FAM131A: variants seen among roughly 807,000 people sequenced by gnomAD.
FAM131A encodes the protein family with sequence similarity 131 member A.
In FAM131A, 24 loss-of-function variants were observed where a neutral mutation model predicts 39.2. The observed-to-expected ratio is 0.61, with a 90% CI of 0.44 to 0.86. FAM131A has a LOEUF of 0.86. Among genes scored for constraint, FAM131A ranks in the 40% least tolerant of loss-of-function variants. FAM131A has a pLI of 0.00. For missense variants in FAM131A, 373 were observed against 481.2 expected (o/e 0.78, Z 2.10); for synonymous variants, 202 against 206.8 (o/e 0.98, Z 0.20).
chr3:184,338,301 G>A (rs1418376655), intron 1 of FAM131A, 86 bp from the exon 2 acceptor site: 7 of 1,353,534 alleles, frequency 5.2e-6, no homozygotes, highest in Admixed American at 6.8e-5. Context: ...GGGAGGGGCC[G>A]AGAAATGATA....
chr3:184,345,015 A>G lies in FAM131A; in HGVS notation c.*45A>G. ...TGGCATGCATCCCCCGGCTGCTGCC[A>G]GGGGCAGAGCCTCTGTGCCCAAGTG... is the stretch of plus-strand genomic sequence containing the variant. On this transcript the variant is annotated 3_prime_UTR_variant, in exon 6 of 6. Coordinates refer to ENST00000383847, the MANE Select transcript of FAM131A (RefSeq NM_144635.5). The G allele has an allele frequency of 6.9e-7, 1 of 1,450,658 alleles. No individual in the cohort carries two copies. The highest frequency in any genetic ancestry group is 2.5e-5 in the East Asian group (1 of 40,214). The allele number at this position is 1,450,658 out of a possible 1,614,324, so 89.9% of individuals were successfully genotyped here.
At position 184,342,192 on chromosome 3, in the gene FAM131A, C is replaced by T. The variant is rs750961455; in HGVS notation, c.452C>T (p.Ala151Val). The change falls in exon 4 of 6, where the codon GCC becomes GTC. Residue 151 changes from alanine (A) to valine (V), a missense_variant. Physicochemically the swap from Ala to Val is moderately conservative, Grantham distance 64 (BLOSUM62 0). Transcript: ENST00000383847. This position sits in a 1 kb window ranked among gnomAD's most constrained non-coding sequence, Gnocchi z 4.6. ...GACTCACCTGCTGCCCTGGAATCAG[C>T]CTTTTCCTCCTATTCAGACCTCAGC... The part of the protein sequence containing the change: ...PSDSPAALES[A>V]FSSYSDLSEG... 1 of 1,614,214 alleles carries T rather than the reference C, an allele frequency of 6.2e-7. No homozygotes were observed. Among genetic ancestry groups the T allele is most frequent in the Non-Finnish European group, 8.5e-7 (1 of 1,180,006 alleles).
chr3:184,344,738 A>G lies in FAM131A; in HGVS notation c.869A>G (p.Glu290Gly), dbSNP rs774152509. 34 of 1,612,276 alleles carry G rather than the reference A, an allele frequency of 2.1e-5. No individual in the cohort carries two copies. Among genetic ancestry groups the G allele is most frequent in the South Asian group, 1.1e-4 (10 of 91,086 alleles). ...LLLAKLPPSR[E>G]SAFRSLGPLE... Reference sequence around the variant, plus strand: ...CTCGCCAAACTGCCCCCCAGCCGGGAAAGTGCCTTCCGCAGCCTGGGCCCA... The same window carrying G: ...CTCGCCAAACTGCCCCCCAGCCGGGGAAGTGCCTTCCGCAGCCTGGGCCCA... The change falls in exon 6 of 6, where the codon GAA becomes GGA. Residue 290 changes from glutamate to glycine, a missense_variant. Physicochemically the swap from Glu to Gly is moderately conservative, Grantham distance 98. Around this residue, in one of 2 missense-constraint regions of FAM131A, gnomAD observed 152 missense variants for 133.5 expected, o/e 1.14. Transcript: ENST00000383847.
chr3:184,343,972 G>A lies in FAM131A; in HGVS notation c.626-523G>A, dbSNP rs566590601. ...CATAGGCGGTGACCCTGCATTTACTGCTTGTTAACTGTGTGCCAGACTTTT... is the reference window on the plus strand; with the variant it reads ...CATAGGCGGTGACCCTGCATTTACTACTTGTTAACTGTGTGCCAGACTTTT... On this transcript the variant is annotated intron_variant, in intron 5 of 5. Coordinates refer to ENST00000383847, the MANE Select transcript of FAM131A (RefSeq NM_144635.5). Among the ~76,000 whole-genome samples, 14 of 146,190 alleles carry A rather than the reference G, an allele frequency of 9.6e-5. No individual in the cohort carries two copies. In the East Asian group the frequency reaches 2.4e-3, roughly 25 times the overall value.
chr3:184,341,299 G>A, intron 2 of FAM131A: 1 of 221,346 alleles, frequency 4.5e-6, no homozygotes, highest in Non-Finnish European at 9.1e-6. Flanking sequence ...TTTCCATCTT[G>A]CCGAGTCTGC....
intron 2 of FAM131A, 148 bp downstream of exon 2, chr3:184,338,677 CG>C: frequency 9.7e-7 from 1 of 1,027,124 alleles, no homozygotes; most frequent in African/African-American, 1.6e-5. Flanking sequence ...AGGCCGCCCC[CG>C]TGCCGGTCTG....
At position 184,344,524 on chromosome 3, in the gene FAM131A, C is replaced by T. The variant is rs777971261; in HGVS notation, c.655C>T (p.His219Tyr). 1.3e-6 allele frequency: 2 copies of T among 1,541,064 alleles called. No individual in the cohort carries two copies. The highest frequency in any genetic ancestry group is 2.0e-5 in the Admixed American group (1 of 49,118). The stretch of plus-strand genomic sequence containing the variant: ...GGCTGGGCAGCTGCCCCTGGGGCCG[C>T]ACCTCCAGGACCTGTTCACCGGCCA... ...DMAGQLPLGP[H>Y]LQDLFTGHRF... is the part of the protein sequence containing the mutation. The change falls in exon 6 of 6, where the codon CAC becomes TAC. Residue 219 changes from histidine to tyrosine, a missense_variant. His to Tyr is a moderately conservative substitution (Grantham distance 83). This residue lies in a region of FAM131A where 221 missense variants were observed against 347.7 expected (regional missense o/e 0.64). Coordinates refer to ENST00000383847, the MANE Select transcript of FAM131A (RefSeq NM_144635.5).
At chr3:184,337,744 T>C (rs1016094184) in intron 1 of FAM131A, 26 bp downstream of exon 1, 1 of 1,534,258 alleles carries the variant, frequency 6.5e-7, no homozygotes, top group Non-Finnish European at 8.7e-7. Context: ...ATGGATGTGA[T>C]CTGGGAGATG....
At chr3:184,338,162 C>G (rs1206024575) in intron 1 of FAM131A, among the ~76,000 whole-genome samples, 2 of 152,038 alleles carry the variant, frequency 1.3e-5, no homozygotes, top group Non-Finnish European at 2.9e-5. Flanking sequence ...CAAAATTTAT[C>G]CAGAGCAGGA....
At chr3:184,341,395 T>C in intron 2 of FAM131A, 1 of 386,524 alleles carries the variant, frequency 2.6e-6, no homozygotes, top group Non-Finnish European at 4.8e-6. Flanking sequence ...CACACTCTTC[T>C]TCCTTCCTCC....
upstream of FAM131A, among the ~76,000 whole-genome samples, chr3:184,336,921 T>C (rs1226265687): frequency 6.6e-6 from 1 of 152,176 alleles, no homozygotes; most frequent in African/African-American, 2.4e-5. The surrounding 1 kb of genome is among the most constrained non-coding windows in gnomAD (Gnocchi z 5.5). Context: ...CTTCCTTTAC[T>C]CCGGTGTGGT....
chr3:184,341,507 T>C lies in FAM131A; in HGVS notation c.232-217T>C, dbSNP rs77859840. On this transcript the variant is annotated intron_variant, in intron 2 of 5. Transcript: ENST00000383847. ...AGTGGAGGATTAGCTGAAGTTTTGC[T>C]TCTCGGGGCCTGTCTGAATCTCCAT... 4,837 of 588,508 alleles carry C rather than the reference T, an allele frequency of 8.2e-3. 184 individuals are homozygous for C. Among genetic ancestry groups the C allele is most frequent in the African/African-American group, 0.078 (4,194 of 53,694 alleles). 36.5% of individuals were successfully genotyped at this position (588,508 alleles called of 1,614,324 possible). A position where few individuals can be genotyped will look rare whatever the true frequency, so the allele number is the denominator to read the frequency against.
At position 184,345,495 on chromosome 3, in the gene FAM131A, C is replaced by T; in HGVS notation, c.*525C>T. ...TGGGTTGAGCCGTCCCTCAAGGGCC[C>T]CTGCCCAGCTGGGCTCGTGCTGTGC... is the stretch of plus-strand genomic sequence containing the variant. On this transcript the variant is annotated 3_prime_UTR_variant, in exon 6 of 6. Transcript: ENST00000383847. The T allele has an allele frequency of 1.4e-6, 1 of 702,938 alleles. No individual in the cohort carries two copies. The allele number at this position is 702,938 out of a possible 1,614,324, so 43.5% of individuals were successfully genotyped here.
chr3:184,344,857 C>T lies in FAM131A; in HGVS notation c.988C>T (p.Pro330Ser). The change falls in exon 6 of 6, where the codon CCA becomes TCA. Residue 330 changes from proline (P) to serine (S), a missense_variant. Transcript: ENST00000383847. ...EEPAPCKDCQPLCPPLTGSWE... is the reference protein window; with the variant it reads ...EEPAPCKDCQSLCPPLTGSWE... ...GCCAGCCCCCTGCAAGGACTGCCAGCCACTCTGCCCACCACTAACGGGCAG... is the reference window on the plus strand; with the variant it reads ...GCCAGCCCCCTGCAAGGACTGCCAGTCACTCTGCCCACCACTAACGGGCAG... 6.2e-7 allele frequency: 1 copy of T among 1,611,106 alleles called. No homozygotes were observed. Among genetic ancestry groups the T allele is most frequent in the Non-Finnish European group, 8.5e-7 (1 of 1,179,856 alleles).
Position 184,345,217 on chromosome 3 carries a change from G to A in FAM131A, c.*247G>A. 1.7e-6 allele frequency: 1 copy of A among 579,238 alleles called. No individual in the cohort carries two copies. The highest frequency in any genetic ancestry group is 3.0e-6 in the Non-Finnish European group (1 of 329,714). 35.9% of individuals were successfully genotyped at this position (579,238 alleles called of 1,614,324 possible). The stretch of plus-strand genomic sequence containing the variant: ...GGGTTGCCCGGGGCCTCTGGGGCAT[G>A]GCTACAGCTGTGGCAGACAGTGATG... On this transcript the variant is annotated 3_prime_UTR_variant, in exon 6 of 6. Transcript: ENST00000383847.
rs1019833919 is a variant in FAM131A, at chr3:184,344,907, T to G, written c.1038T>G (p.Ser346=). 1 of 1,607,328 alleles carries G rather than the reference T, an allele frequency of 6.2e-7. No individual in the cohort carries two copies. The highest frequency in any genetic ancestry group is 1.3e-5 in the African/African-American group (1 of 74,880). Residue 346 remains serine (S), a synonymous_variant, in exon 6 of 6, where the codon TCT becomes TCG. Transcript: ENST00000383847. ...TGSWERQRQA[S]DLASSGVVSL... Reference sequence around the variant, plus strand: ...GCTGGGAACGGCAGCGGCAAGCCTCTGACCTGGCCTCTTCTGGGGTGGTGT... The same window carrying G: ...GCTGGGAACGGCAGCGGCAAGCCTCGGACCTGGCCTCTTCTGGGGTGGTGT...
In FAM131A at chr3:184,345,878, T is replaced by C. The variant is rs974431474; in HGVS notation, c.*908T>C. On this transcript the variant is annotated 3_prime_UTR_variant, in exon 6 of 6. Coordinates refer to ENST00000383847, the MANE Select transcript of FAM131A (RefSeq NM_144635.5). Reference sequence around the variant, plus strand: ...GGGGTGGCCGGGAGTTGTCAGCTGATGCCTGCTGAGAGGCAGGAATTGTGC... The same window carrying C: ...GGGGTGGCCGGGAGTTGTCAGCTGACGCCTGCTGAGAGGCAGGAATTGTGC... 1.4e-4 allele frequency: 62 copies of C among 446,800 alleles called. No individual in the cohort carries two copies. Among genetic ancestry groups the C allele is most frequent in the African/African-American group, 1.2e-3 (60 of 49,032 alleles). 27.7% of individuals were successfully genotyped at this position (446,800 alleles called of 1,614,324 possible).
chr3:184,341,232 C>T, intron 2 of FAM131A: 1 of 191,508 alleles, frequency 5.2e-6, no homozygotes. Flanking sequence ...GTGGGTGATG[C>T]AAAGGAAAGA....
upstream of FAM131A, chr3:184,337,354 C>T (rs1175843055): frequency 5.6e-6 from 2 of 360,020 alleles, no homozygotes; most frequent in Non-Finnish European, 1.0e-5. Flanking sequence ...GGGATAGAGA[C>T]GGCTGCTCCA....
Sources: gnomAD v4.1 joint callset for allele counts (sites outside exome capture counted in the v4.1 genomes callset) on GRCh38, gnomAD v4.1.1 for gene constraint, gnomAD v4.1.1 regional missense constraint, Gnocchi (gnomAD v3.1) non-coding constraint, MANE v1.5 for transcripts, NCBI Gene and HGNC (gene_info 2026-07-23, HGNC 2026-07-21) for gene names.